PRKN: variants seen among roughly 807,000 people sequenced by gnomAD.
PRKN encodes E3 ubiquitin-protein ligase parkin.
PRKN carries 56 observed loss-of-function variants against 59.5 expected under a neutral mutation model. The observed-to-expected ratio is 0.94, with a 90% CI of 0.76 to 1.18. PRKN has a LOEUF of 1.18. Ranked by LOEUF, PRKN falls within the 50% of genes most tolerant of loss-of-function variation. PRKN has a pLI of 0.00. For synonymous variants in PRKN, 250 were observed against 222.1 expected (o/e 1.13, Z -1.12); for missense variants, 657 against 596.4 (o/e 1.10, Z -1.06).
chr6:161,886,102 T>G (rs1294717925), intron 6 of PRKN, among the ~76,000 whole-genome samples: 2 of 152,324 alleles, frequency 1.3e-5, no homozygotes, highest in South Asian at 4.1e-4. Context: ...TAAGCACAAC[T>G]GAACAGCAAG....
At chr6:162,140,585 C>T (rs1351183069) in intron 4 of PRKN, among the ~76,000 whole-genome samples, 2 of 152,128 alleles carry the variant, frequency 1.3e-5, no homozygotes, top group Non-Finnish European at 1.5e-5. Flanking sequence ...GTGTTATTTT[C>T]GTTGGTTTCC....
At chr6:162,062,984 T>A (rs568917740) in intron 4 of PRKN, among the ~76,000 whole-genome samples, 2 of 152,306 alleles carry the variant, frequency 1.3e-5, no homozygotes, top group South Asian at 4.1e-4. Context: ...TAGCAAATGT[T>A]GCTTGAAAAA....
At chr6:162,214,961 C>T (rs1777573716) in intron 3 of PRKN, among the ~76,000 whole-genome samples, 1 of 152,168 alleles carries the variant, frequency 6.6e-6, no homozygotes, top group African/African-American at 2.4e-5. Context: ...TAAATATTCA[C>T]CTTTCTTCCT....
intron 7 of PRKN, among the ~76,000 whole-genome samples, chr6:161,638,736 TGA>T (rs1783620124): frequency 7.7e-6 from 1 of 130,260 alleles, no homozygotes; most frequent in African/African-American, 3.4e-5. Flanking sequence ...TCACGAGATC[TGA>T]TTTTTTTTTT....
At chr6:162,410,114 T>C (rs1788277484) in intron 2 of PRKN, among the ~76,000 whole-genome samples, 1 of 152,198 alleles carries the variant, frequency 6.6e-6, no homozygotes, top group South Asian at 2.1e-4. Context: ...AACATTTCTC[T>C]GTAGAGATCT....
rs1177332315 is a variant in PRKN at position 162,393,155 on chromosome 6, C to CTTTTTT, written c.171+50149_171+50154dup. On this transcript the variant is annotated intron_variant, in intron 2 of 11. Transcript: ENST00000366898. ...TGATACTGGGTGAGGATAGGAGATT[C>CTTTTTT]TTTTTTTTTTTTTTTTTTTTTTGAG... 2.2e-3 allele frequency among the ~76,000 whole-genome samples: 174 copies of CTTTTTT among 80,150 alleles called. 27 individuals are homozygous for CTTTTTT. Among genetic ancestry groups the CTTTTTT allele is most frequent in the East Asian group, 0.021 (35 of 1,680 alleles). The allele number at this position is 80,150 out of a possible 152,430, so 52.6% of individuals were successfully genotyped here. A position where few individuals can be genotyped will look rare whatever the true frequency, so the allele number is the denominator to read the frequency against.
At chr6:162,255,827 C>G (rs897827123) in intron 3 of PRKN, among the ~76,000 whole-genome samples, 1 of 152,114 alleles carries the variant, frequency 6.6e-6, no homozygotes, top group Admixed American at 6.5e-5. Flanking sequence ...GTATTCAGTG[C>G]GTAGTATATA....
intron 6 of PRKN, among the ~76,000 whole-genome samples, chr6:161,881,014 G>T (rs1439180417): frequency 6.6e-6 from 1 of 152,134 alleles, no homozygotes; most frequent in African/African-American, 2.4e-5. Context: ...CATAGTTAAA[G>T]ACATATTTTC....
At chr6:162,597,717 T>C (rs1781546583) in intron 1 of PRKN, among the ~76,000 whole-genome samples, 1 of 152,186 alleles carries the variant, frequency 6.6e-6, no homozygotes, top group Admixed American at 6.5e-5. Flanking sequence ...CTGCACAATC[T>C]TGATCACTAT....
At position 162,532,345 on chromosome 6, in the gene PRKN, C is replaced by T. The variant is rs536722674; in HGVS notation, c.8-88872G>A. On this transcript the variant is annotated intron_variant, in intron 1 of 11. Transcript: ENST00000366898. ...ACCTTACAGAGCTAAGTCTACATCA[C>T]GGAGACGTGAGCACACATCTCATAG... Among the ~76,000 whole-genome samples the T allele has an allele frequency of 2.6e-4, 40 of 152,348 alleles. 2 individuals carry two copies. The South Asian group carries it at 6.6e-3, about 25-fold the overall frequency.
At chr6:162,036,004 A>G (rs776500807) in intron 5 of PRKN, among the ~76,000 whole-genome samples, 1 of 152,136 alleles carries the variant, frequency 6.6e-6, no homozygotes, top group Non-Finnish European at 1.5e-5. Flanking sequence ...TCCTCCTAAT[A>G]ATGATAACAA....
chr6:161,940,787 C>T (rs1014629957), intron 6 of PRKN, among the ~76,000 whole-genome samples: 1 of 152,146 alleles, frequency 6.6e-6, no homozygotes, highest in Non-Finnish European at 1.5e-5. Context: ...ATTCAGGCTC[C>T]CTGCAGGCGC....
Position 161,446,842 on chromosome 6 carries a change from C to A in PRKN, c.1084-59965G>T, listed in dbSNP as rs923129204. Among the ~76,000 whole-genome samples the A allele has an allele frequency of 1.3e-5, 2 of 152,086 alleles. No individual in the cohort carries two copies. Among genetic ancestry groups the A allele is most frequent in the African/African-American group, 4.8e-5 (2 of 41,410 alleles). On this transcript the variant is annotated intron_variant, in intron 9 of 11. Coordinates refer to ENST00000366898, the MANE Select transcript of PRKN (RefSeq NM_004562.3). This position sits in a 1 kb window ranked among gnomAD's most constrained non-coding sequence, Gnocchi z 6.2. ...CTTTAAATTGCCATTTAATTCCATC[C>A]ATCAACCCATTTTTCTGCTGTATAC...
At position 161,387,896 on chromosome 6, in the gene PRKN, C is replaced by T. The variant is rs146134763; in HGVS notation, c.1084-1019G>A. Among the ~76,000 whole-genome samples the T allele has an allele frequency of 3.2e-3, 482 of 152,230 alleles. 4 individuals carry two copies. Among genetic ancestry groups the T allele is most frequent in the African/African-American group, 0.011 (455 of 41,504 alleles). ...ATGAGGAGATTAGGACAGAGACACACGGACTGAGAGATGATGAGCAGCATT... is the reference window on the plus strand; with the variant it reads ...ATGAGGAGATTAGGACAGAGACACATGGACTGAGAGATGATGAGCAGCATT... On this transcript the variant is annotated intron_variant, in intron 9 of 11. Coordinates refer to ENST00000366898, the MANE Select transcript of PRKN (RefSeq NM_004562.3).
intron 4 of PRKN, among the ~76,000 whole-genome samples, chr6:162,144,116 GCT>G (rs1326187955): frequency 1.3e-5 from 2 of 152,106 alleles, no homozygotes; most frequent in African/African-American, 4.8e-5. Context: ...GCTATCACAG[GCT>G]CTCTCTCAAA....
intron 1 of PRKN, among the ~76,000 whole-genome samples, chr6:162,646,100 C>T (rs1165916705): frequency 1.3e-5 from 2 of 151,818 alleles, no homozygotes; most frequent in African/African-American, 4.8e-5. Flanking sequence ...TCTCGATCTC[C>T]TGACCTCGTA....
chr6:162,381,748 C>A (rs3817728), intron 2 of PRKN, among the ~76,000 whole-genome samples: 71,502 of 151,828 alleles, frequency 0.47, 18,387 homozygotes, highest in East Asian at 0.69. Flanking sequence ...TTTATTAGTC[C>A]AAAGAAATAA....
chr6:162,312,752 G>A lies in PRKN; in HGVS notation c.172-49987C>T, dbSNP rs530527035. Reference sequence around the variant, plus strand: ...GATAAAAGCTATGGATTATCTTTTCGAAAAGCTGTGCACACACACATGCCA... The same window carrying A: ...GATAAAAGCTATGGATTATCTTTTCAAAAAGCTGTGCACACACACATGCCA... On this transcript the variant is annotated intron_variant, in intron 2 of 11. Transcript: ENST00000366898. Among the ~76,000 whole-genome samples the A allele has an allele frequency of 2.2e-4, 33 of 152,124 alleles. No individual in the cohort carries two copies. The South Asian group carries it at 5.6e-3, about 26-fold the overall frequency.
intron 5 of PRKN, among the ~76,000 whole-genome samples, chr6:162,039,800 A>AACAG (rs970402683): frequency 1.3e-5 from 2 of 149,608 alleles, no homozygotes. Flanking sequence ...TATGCACACA[A>AACAG]ACAGACAGAC....
Sources: allele counts gnomAD v4.1 joint callset (sites outside exome capture counted in the v4.1 genomes callset), GRCh38; gene constraint gnomAD v4.1.1; non-coding constraint Gnocchi (gnomAD v3.1); transcripts MANE v1.5; gene names NCBI Gene and HGNC (gene_info 2026-07-23, HGNC 2026-07-21).